Variants in ARID1A observed in about 807,000 individuals in gnomAD.
ARID1A encodes the protein AT-rich interactive domain-containing protein 1A.
In ARID1A, 20 loss-of-function variants were observed where a neutral mutation model predicts 212.6. The ratio of observed to expected loss-of-function variants is 0.09; its 90% CI spans 0.07 to 0.14. The LOEUF (loss-of-function observed/expected upper bound fraction) is 0.14, where lower values mean the gene tolerates loss of function less well. Ranked by LOEUF, ARID1A falls within the 10% of genes least tolerant of loss-of-function variation. The pLI is 1.00. For missense variants in ARID1A, 2,587 were observed against 3,059.0 expected, an observed-to-expected ratio of 0.85 and a Z score of 3.64; for synonymous variants, 1,376 against 1,222.1, an observed-to-expected ratio of 1.13 and a Z score of -2.63.
chr1:26,779,936 A>G lies in ARID1A; in HGVS notation c.6038A>G (p.Lys2013Arg), dbSNP rs2124145247. The change falls in exon 20 of 20, where the codon AAG (lysine) becomes AGG (arginine). Residue 2013 changes from lysine to arginine, a missense_variant. Around this residue, in one of 11 missense-constraint regions of ARID1A, gnomAD observed 168 missense variants for 321.0 expected, o/e 0.52. Coordinates refer to ENST00000324856, the MANE Select transcript of ARID1A (RefSeq NM_006015.6). ...KHPGLLLILG[K>R]LILLHHKHPE... is the part of the protein sequence containing the mutation. ...CCAGGGCTGCTGCTCATCCTGGGCA[A>G]GCTGATCCTGCTGCACCACAAGCAC... 1 of 1,614,164 alleles carries G rather than the reference A, an allele frequency of 6.2e-7. No homozygotes were observed. The highest frequency in any genetic ancestry group is 8.5e-7 in the Non-Finnish European group (1 of 1,180,024).
At chr1:26,751,708 GAACTTTATT>G (rs1014607016) in intron 4 of ARID1A, among the ~76,000 whole-genome samples, 20 of 152,164 alleles carry the variant, frequency 1.3e-4, no homozygotes, top group African/African-American at 3.6e-4. Context: ...ATATATAAAG[GAACTTTATT>G]AACTTTATCT....
intron 19 of ARID1A, chr1:26,778,784 G>A (rs137939734): frequency 1.8e-4 from 72 of 391,212 alleles, no homozygotes; most frequent in Admixed American, 6.4e-4. Flanking sequence ...GTGCAAAGCT[G>A]TTGGCTAGTG....
intron 1 of ARID1A, among the ~76,000 whole-genome samples, chr1:26,721,942 C>G (rs1157422031): frequency 6.6e-6 from 1 of 152,152 alleles, no homozygotes; most frequent in Non-Finnish European, 1.5e-5. Flanking sequence ...CCCTTTTGGT[C>G]TCCTTCTTCT....
rs553960584 is a variant in ARID1A, at chr1:26,725,265, G to A, written c.1138-4386G>A. On this transcript the variant is annotated intron_variant, in intron 1 of 19. Coordinates refer to ENST00000324856, the MANE Select transcript of ARID1A (RefSeq NM_006015.6). ...TGATACTGGCTTTTGTATCTTGCAT[G>A]TAGGGATTTTTCTGGTCTGAAATTG... Among the ~76,000 whole-genome samples, 13 of 152,284 alleles carry A rather than the reference G, an allele frequency of 8.5e-5. No individual in the cohort carries two copies. In the South Asian group the frequency reaches 2.7e-3, roughly 32 times the overall value.
In ARID1A at chr1:26,779,414, G is replaced by C. The variant is rs1012378407; in HGVS notation, c.5516G>C (p.Ser1839Thr). The change falls in exon 20 of 20, where the codon AGT becomes ACT. Residue 1839 changes from serine (S) to threonine (T), a missense_variant. Physicochemically the swap from Ser to Thr is moderately conservative, Grantham distance 58 (BLOSUM62 1). Around this residue, in one of 11 missense-constraint regions of ARID1A, gnomAD observed 890 missense variants for 1,098.2 expected, o/e 0.81. Transcript: ENST00000324856. ...DKLGRVQEFD[S>T]GLLHWRIGGG... Reference sequence around the variant, plus strand: ...CTTGGGCGTGTGCAGGAGTTTGACAGTGGCCTGCTGCACTGGCGGATTGGT... The same window carrying C: ...CTTGGGCGTGTGCAGGAGTTTGACACTGGCCTGCTGCACTGGCGGATTGGT... 1.2e-6 allele frequency: 2 copies of C among 1,614,200 alleles called. No homozygotes were observed. The highest frequency in any genetic ancestry group is 1.7e-6 in the Non-Finnish European group (2 of 1,180,034).
intron 4 of ARID1A, among the ~76,000 whole-genome samples, chr1:26,743,028 T>C (rs1017120845): frequency 6.6e-6 from 1 of 152,164 alleles, no homozygotes; most frequent in African/African-American, 2.4e-5. Context: ...TTTTACAGAT[T>C]GTATCCAGTA....
rs372802506 is a variant in ARID1A at position 26,704,778 on chromosome 1, G to C, written c.1137+7238G>C. On this transcript the variant is annotated intron_variant, in intron 1 of 19. Transcript: ENST00000324856. The stretch of plus-strand genomic sequence containing the variant: ...GAAAGCTGAGGCAGGAGGATTGCTT[G>C]AGCCCAGGAGGTTGAGGCTGTTGTA... Among the ~76,000 whole-genome samples, 70 of 151,872 alleles carry C rather than the reference G, an allele frequency of 4.6e-4. No individual in the cohort carries two copies. In the South Asian group the frequency reaches 0.015, roughly 32 times the overall value.
At chr1:26,773,312 C>A (rs1209134006) in intron 14 of ARID1A, 34 bp from the exon 15 acceptor site, 2 of 1,536,154 alleles carry the variant, frequency 1.3e-6, no homozygotes, top group Non-Finnish European at 1.8e-6. Flanking sequence ...TGTCAACTTA[C>A]CAGTTTGTTC....
chr1:26,770,879 G>T (rs2081077731), intron 11 of ARID1A: 2 of 512,550 alleles, frequency 3.9e-6, no homozygotes, highest in Non-Finnish European at 6.9e-6. Flanking sequence ...TGTGAAATTT[G>T]CCCTGTTGTG....
rs775685865 is a variant in ARID1A, at chr1:26,771,214, G to T, written c.3294G>T (p.Gln1098His). The T allele has an allele frequency of 3.7e-6, 6 of 1,614,066 alleles. No individual in the cohort carries two copies. Among genetic ancestry groups the T allele is most frequent in the Non-Finnish European group, 5.1e-6 (6 of 1,180,042 alleles). ...AASSLKKQYI[Q>H]CLYAFECKIE... ...GCTCCTTGAAAAAGCAGTATATCCAGTGTCTCTATGCCTTTGAATGCAAGA... is the reference window on the plus strand; with the variant it reads ...GCTCCTTGAAAAAGCAGTATATCCATTGTCTCTATGCCTTTGAATGCAAGA... Residue 1098 changes from glutamine to histidine, a missense_variant, in exon 12 of 20, where the codon CAG (glutamine) becomes CAT (histidine). Transcript: ENST00000324856. This position sits in a 1 kb window ranked among gnomAD's most constrained non-coding sequence, Gnocchi z 5.4.
intron 4 of ARID1A, among the ~76,000 whole-genome samples, chr1:26,752,291 G>T (rs1465470289): frequency 6.6e-6 from 1 of 152,194 alleles, no homozygotes; most frequent in Non-Finnish European, 1.5e-5. Context: ...CTATGCATAG[G>T]TGGCAGTTAA....
chr1:26,736,322 CAAAAAAAAA>C, intron 4 of ARID1A, among the ~76,000 whole-genome samples: 1 of 52,450 alleles, frequency 1.9e-5, no homozygotes, highest in African/African-American at 7.1e-5. Context: ...AACTCCATCT[CAAAAAAAAA>C]AAAAAAAAAA....
chr1:26,712,044 G>A (rs1473982272), intron 1 of ARID1A, among the ~76,000 whole-genome samples: 1 of 152,002 alleles, frequency 6.6e-6, no homozygotes, highest in Non-Finnish European at 1.5e-5. Flanking sequence ...TGGCACCACT[G>A]CACTCCAGCC....
chr1:26,769,224 G>A (rs893247401), intron 11 of ARID1A: 1 of 152,166 alleles, frequency 6.6e-6, no homozygotes, highest in South Asian at 2.1e-4. Context: ...GATTGGGTGG[G>A]CTTCAGGGTT....
chr1:26,729,986 A>G (rs1461611511), intron 2 of ARID1A, 123 bp downstream of exon 2: 1 of 1,204,394 alleles, frequency 8.3e-7, no homozygotes, highest in African/African-American at 1.5e-5. Context: ...CTGTTGGCTC[A>G]GTTAATTACA....
chr1:26,764,343 T>C (rs2081020175), intron 8 of ARID1A: 3 of 151,038 alleles, frequency 2.0e-5, no homozygotes. Context: ...ATGTGCAAAA[T>C]AAGTGTTCAG....
Position 26,696,450 on chromosome 1 carries a change from CG to C in ARID1A, c.48del (p.Pro17ArgfsTer8). On this transcript the variant is annotated frameshift_variant, in exon 1 of 20. Transcript: ENST00000324856. LOFTEE classifies it high-confidence loss of function. ...APAAASSLGN[P>X]PPPPPSELKK... ...GCCGCCGCCAGCAGCCTGGGCAACC[CG>C]CCGCCGCCGCCGCCCTCGGAGCTGA... 1.6e-6 allele frequency: 2 copies of C among 1,233,272 alleles called. No homozygotes were observed. Among genetic ancestry groups the C allele is most frequent in the Non-Finnish European group, 2.0e-6 (2 of 982,436 alleles). The allele number at this position is 1,233,272 out of a possible 1,614,324, so 76.4% of individuals were successfully genotyped here. A position where few individuals can be genotyped will look rare whatever the true frequency, so the allele number is the denominator to read the frequency against.
At chr1:26,707,226 T>TTTTTTA (rs2080401634) in intron 1 of ARID1A, among the ~76,000 whole-genome samples, 1 of 145,510 alleles carries the variant, frequency 6.9e-6, no homozygotes, top group Non-Finnish European at 1.5e-5. Context: ...TTTTTTTTTT[T>TTTTTTA]GAGATGGAGT....
Position 26,710,820 on chromosome 1 carries a change from A to G in ARID1A, c.1137+13280A>G, listed in dbSNP as rs113707243. On this transcript the variant is annotated intron_variant, in intron 1 of 19. Transcript: ENST00000324856. ...TACCATAGATTGATGTTTTATGTCT[A>G]TGTGCCCTCCTATGAAAAAAGTATT... 2.6e-5 allele frequency among the ~76,000 whole-genome samples: 4 copies of G among 152,304 alleles called. 1 individual carries two copies. Among genetic ancestry groups the G allele is most frequent in the African/African-American group, 9.6e-5 (4 of 41,560 alleles).
Sources: allele counts gnomAD v4.1 joint callset (sites outside exome capture counted in the v4.1 genomes callset), GRCh38; gene constraint gnomAD v4.1.1; regional missense constraint gnomAD v4.1.1; non-coding constraint Gnocchi (gnomAD v3.1); transcripts MANE v1.5; gene names NCBI Gene and HGNC (gene_info 2026-07-23, HGNC 2026-07-21).